NOVA1: variants seen among roughly 807,000 people sequenced by gnomAD.
The protein encoded by NOVA1 is NOVA alternative splicing regulator 1.
NOVA1 carries 7 observed loss-of-function variants against 38.0 expected under a neutral mutation model. The observed-to-expected ratio is 0.18, with a 90% CI of 0.10 to 0.35. NOVA1 has a LOEUF of 0.35. NOVA1 is among the 10% of genes least tolerant of loss of function. The pLI is 1.00. For missense variants in NOVA1, 460 were observed against 616.0 expected, an observed-to-expected ratio of 0.75 and a Z score of 2.68; for synonymous variants, 270 against 232.5, an observed-to-expected ratio of 1.16 and a Z score of -1.47.
At chr14:26,464,016 C>G (rs561522636) in intron 4 of NOVA1, among the ~76,000 whole-genome samples, 1 of 152,054 alleles carries the variant, frequency 6.6e-6, no homozygotes, top group Non-Finnish European at 1.5e-5. Flanking sequence ...TGAGAAAACA[C>G]GCATGGCAAA....
At chr14:26,502,417 C>A (rs1887303966) in intron 2 of NOVA1, among the ~76,000 whole-genome samples, 1 of 151,678 alleles carries the variant, frequency 6.6e-6, no homozygotes, top group African/African-American at 2.4e-5. Flanking sequence ...AAATATAAAT[C>A]CATTTTTTAC....
intron 2 of NOVA1, 97 bp from the exon 3 acceptor site, chr14:26,480,240 T>C (rs1885352384): frequency 1.0e-6 from 1 of 986,842 alleles, no homozygotes; most frequent in Non-Finnish European, 1.5e-6. Flanking sequence ...AAATGTAAAA[T>C]GCAGAACTCT....
intron 2 of NOVA1, among the ~76,000 whole-genome samples, chr14:26,551,471 A>G (rs571037836): frequency 6.6e-6 from 1 of 152,234 alleles, no homozygotes; most frequent in African/African-American, 2.4e-5. Context: ...CTTCTAAAAT[A>G]GATCGATATC....
chr14:26,510,229 G>C (rs1380216812), intron 2 of NOVA1, among the ~76,000 whole-genome samples: 2 of 151,996 alleles, frequency 1.3e-5, no homozygotes, highest in African/African-American at 4.8e-5. Context: ...AGAAATATAA[G>C]CTAAGCACAT....
intron 2 of NOVA1, among the ~76,000 whole-genome samples, chr14:26,485,085 AT>A (rs1274579473): frequency 6.6e-6 from 1 of 152,196 alleles, no homozygotes; most frequent in Non-Finnish European, 1.5e-5. Context: ...CTGAGAGACA[AT>A]GACAGGCTCA....
chr14:26,584,990 A>G (rs1243216852), intron 2 of NOVA1, among the ~76,000 whole-genome samples: 4 of 151,518 alleles, frequency 2.6e-5, no homozygotes, highest in South Asian at 4.1e-4. Flanking sequence ...GAAACAGACA[A>G]GAAACACTAT....
chr14:26,465,359 G>A (rs1339614804), intron 4 of NOVA1, among the ~76,000 whole-genome samples: 3 of 152,000 alleles, frequency 2.0e-5, no homozygotes, highest in South Asian at 2.1e-4. Context: ...ATTTTTAGTA[G>A]AAGGTTTCAC....
chr14:26,579,292 G>A (rs917471496), intron 2 of NOVA1, among the ~76,000 whole-genome samples: 8 of 151,976 alleles, frequency 5.3e-5, no homozygotes, highest in Non-Finnish European at 1.2e-4. Context: ...TGTTGACCTC[G>A]TGATCTGCCT....
chr14:26,523,075 C>A (rs1415240031), intron 2 of NOVA1, among the ~76,000 whole-genome samples: 2 of 152,110 alleles, frequency 1.3e-5, no homozygotes, highest in Non-Finnish European at 2.9e-5. Flanking sequence ...AATAAACAAC[C>A]TGGCATTAGC....
chr14:26,536,388 T>TA (rs1337718553), intron 2 of NOVA1, among the ~76,000 whole-genome samples: 2 of 152,088 alleles, frequency 1.3e-5, no homozygotes, highest in African/African-American at 4.8e-5. Flanking sequence ...ACACAAAGGA[T>TA]AAATGCTTGA....
At chr14:26,501,197 A>G (rs548091278) in intron 2 of NOVA1, among the ~76,000 whole-genome samples, 2 of 152,150 alleles carry the variant, frequency 1.3e-5, no homozygotes, top group Admixed American at 6.5e-5. Flanking sequence ...ACAAGATGTT[A>G]AAAAGAAAAA....
intron 4 of NOVA1, among the ~76,000 whole-genome samples, chr14:26,467,522 G>A (rs1447886398): frequency 6.6e-6 from 1 of 152,122 alleles, no homozygotes; most frequent in Non-Finnish European, 1.5e-5. Flanking sequence ...AGCTGGTGGG[G>A]GAAGTGACAT....
rs553682624 is a variant in NOVA1, at chr14:26,524,042, C to T, written c.281-43899G>A. ...CTCCAATTATAGGCGGGAGCCACCA[C>T]GCCTGGCCCACTTGAAGATTTTAAA... On this transcript the variant is annotated intron_variant, in intron 2 of 4. Coordinates refer to ENST00000539517, the MANE Select transcript of NOVA1 (RefSeq NM_002515.3). Among the ~76,000 whole-genome samples, 20 of 152,252 alleles carry T rather than the reference C, an allele frequency of 1.3e-4. No homozygotes were observed. In the East Asian group the frequency reaches 2.7e-3, roughly 21 times the overall value.
At chr14:26,494,789 T>A (rs1424194431) in intron 2 of NOVA1, among the ~76,000 whole-genome samples, 2 of 152,158 alleles carry the variant, frequency 1.3e-5, no homozygotes, top group African/African-American at 4.8e-5. Context: ...TCTAAACATG[T>A]TCATTACAAT....
rs1469980200 is a variant in NOVA1, at chr14:26,547,278, A to G, written c.280+48132T>C. Among the ~76,000 whole-genome samples, 3 of 152,140 alleles carry G rather than the reference A, an allele frequency of 2.0e-5. No individual in the cohort carries two copies. In the East Asian group the frequency reaches 5.8e-4, roughly 29 times the overall value. ...TTTGAAAATCACCAATAGAGATAAG[A>G]GGTATCTGTTTTATGAAATGGTGAT... On this transcript the variant is annotated intron_variant, in intron 2 of 4. Coordinates refer to ENST00000539517, the MANE Select transcript of NOVA1 (RefSeq NM_002515.3).
Position 26,447,484 on chromosome 14 carries a change from C to G in NOVA1, c.*475G>C, listed in dbSNP as rs977580872. 1 of 156,110 alleles carries G rather than the reference C, an allele frequency of 6.4e-6. No homozygotes were observed. Among genetic ancestry groups the G allele is most frequent in the Non-Finnish European group, 1.4e-5 (1 of 70,236 alleles). The allele number at this position is 156,110 out of a possible 1,614,324, so 9.7% of individuals were successfully genotyped here. A position where few individuals can be genotyped will look rare whatever the true frequency, so the allele number is the denominator to read the frequency against. ...TCATTTTAAATTTAAAACTTATTTTCAAAATATTGTTTCCTACTTCACTGT... is the reference window on the plus strand; with the variant it reads ...TCATTTTAAATTTAAAACTTATTTTGAAAATATTGTTTCCTACTTCACTGT... On this transcript the variant is annotated 3_prime_UTR_variant, in exon 5 of 5. Coordinates refer to ENST00000539517, the MANE Select transcript of NOVA1 (RefSeq NM_002515.3).
At chr14:26,573,124 G>C (rs1892596440) in intron 2 of NOVA1, among the ~76,000 whole-genome samples, 1 of 152,092 alleles carries the variant, frequency 6.6e-6, no homozygotes, top group African/African-American at 2.4e-5. Context: ...AAATGTCTGA[G>C]ATAGTACAGT....
In NOVA1 at chr14:26,443,701, C is replaced by T. The variant is rs1881861138; in HGVS notation, c.*4258G>A. 1 of 151,930 alleles carries T rather than the reference C, an allele frequency of 6.6e-6. No homozygotes were observed. The highest frequency in any genetic ancestry group is 2.4e-5 in the African/African-American group (1 of 41,290). The allele number at this position is 151,930 out of a possible 1,614,324, so 9.4% of individuals were successfully genotyped here. On this transcript the variant is annotated 3_prime_UTR_variant, in exon 5 of 5. Transcript: ENST00000539517. ...ACAGTGCATAACAATATTATGTATT[C>T]ATGTTTATGAGAAACCAAGCAGAAG...
At chr14:26,495,486 C>A (rs1028671884) in intron 2 of NOVA1, among the ~76,000 whole-genome samples, 2 of 152,060 alleles carry the variant, frequency 1.3e-5, no homozygotes, top group Non-Finnish European at 2.9e-5. Context: ...CCTATTATAA[C>A]AAGCTTTTTT....
Sources: allele counts gnomAD v4.1 joint callset (sites outside exome capture counted in the v4.1 genomes callset), GRCh38; gene constraint gnomAD v4.1.1; transcripts MANE v1.5; gene names NCBI Gene and HGNC (gene_info 2026-07-23, HGNC 2026-07-21).